The following CWC27 variants were observed in gnomAD, a reference collection of about 807,000 sequenced individuals.
CWC27 encodes the protein CWC27 spliceosome associated cyclophilin, also known as spliceosome-associated protein CWC27 homolog.
Under a neutral mutation model 63.6 loss-of-function variants are expected in CWC27, and 47 were observed. That is an observed-to-expected ratio of 0.74 (90% CI 0.58 to 0.94). The LOEUF (loss-of-function observed/expected upper bound fraction) is 0.94, where lower values mean the gene tolerates loss of function less well. CWC27 is among the 40% of genes least tolerant of loss of function. The pLI, the probability that CWC27 is intolerant of heterozygous loss-of-function variation, is 0.00. For missense variants in CWC27, 495 were observed against 554.3 expected (o/e 0.89, Z 1.07); for synonymous variants, 175 against 179.8 (o/e 0.97, Z 0.22).
chr5:64,869,210 T>C (rs1014527637), intron 10 of CWC27, among the ~76,000 whole-genome samples: 2 of 152,112 alleles, frequency 1.3e-5, no homozygotes, highest in African/African-American at 4.8e-5. Flanking sequence ...TAGAGGTATA[T>C]GTAGGCCAGC....
In CWC27 at chr5:64,840,473, G is replaced by GA. The variant is rs369584798; in HGVS notation, c.938+36095dup. On this transcript the variant is annotated intron_variant, in intron 10 of 13. Transcript: ENST00000381070. ...TAGAAAACAGAGGCAGGTAAAAATG[G>GA]AAAAAAAACTTTTTTTCTATCTGCA... Among the ~76,000 whole-genome samples the GA allele has an allele frequency of 4.5e-3, 504 of 111,004 alleles. 2 individuals are homozygous for GA. Among genetic ancestry groups the GA allele is most frequent in the African/African-American group, 0.015 (424 of 28,882 alleles). The allele number at this position is 111,004 out of a possible 152,430, so 72.8% of individuals were successfully genotyped here.
intron 11 of CWC27, among the ~76,000 whole-genome samples, chr5:64,905,218 A>G (rs1425020373): frequency 2.3e-4 from 35 of 151,458 alleles, no homozygotes; most frequent in Admixed American, 2.3e-3. Flanking sequence ...AAAAAAAAAA[A>G]AAAAAACACC....
intron 11 of CWC27, among the ~76,000 whole-genome samples, chr5:64,923,441 C>G (rs549368896): frequency 7.8e-4 from 110 of 140,994 alleles, no homozygotes; most frequent in Admixed American, 3.2e-3. Flanking sequence ...AGATGCATCT[C>G]AGCACTCAGC....
chr5:64,932,367 T>C (rs1748255655), intron 11 of CWC27, among the ~76,000 whole-genome samples: 1 of 152,156 alleles, frequency 6.6e-6, no homozygotes, highest in Admixed American at 6.5e-5. Context: ...ACTTTTTTTT[T>C]TTAATTCTTA....
At chr5:64,940,046 G>T (rs538779128) in intron 11 of CWC27, among the ~76,000 whole-genome samples, 1 of 152,334 alleles carries the variant, frequency 6.6e-6, no homozygotes, top group East Asian at 1.9e-4. Context: ...ATCGTAGCTT[G>T]CTGGGCTCTG....
At chr5:64,772,557 G>A (rs1483033519) in intron 1 of CWC27, among the ~76,000 whole-genome samples, 1 of 143,572 alleles carries the variant, frequency 7.0e-6, no homozygotes, top group African/African-American at 2.6e-5. Context: ...AACCAAGGAA[G>A]TGGAGGTTGC....
chr5:64,868,272 G>A (rs1368610423), intron 10 of CWC27, among the ~76,000 whole-genome samples: 1 of 151,952 alleles, frequency 6.6e-6, no homozygotes. Flanking sequence ...TGTTCCTCTG[G>A]CCCCTGGAAA....
rs1398374483 is a variant in CWC27, at chr5:64,800,128, G to A, written c.670-120G>A. The A allele has an allele frequency of 2.3e-5, 13 of 569,496 alleles. No homozygotes were observed. In the East Asian group the frequency reaches 4.2e-4, roughly 19 times the overall value. The allele number at this position is 569,496 out of a possible 1,614,324, so 35.3% of individuals were successfully genotyped here. On this transcript the variant is annotated intron_variant, in intron 7 of 13. Transcript: ENST00000381070. ...ACTTTAGTTTGTATTAAACTTTTCA[G>A]GAATACATCTTTTGCTAACCATATT...
intron 10 of CWC27, among the ~76,000 whole-genome samples, chr5:64,840,390 AAAAAATATATATATATAT>A (rs1462816953): frequency 3.4e-5 from 1 of 29,838 alleles, no homozygotes. Flanking sequence ...AAAAAAAAAA[AAAAAATATATATATATAT>A]ATATATATAT....
At chr5:64,921,799 C>T (rs1163104122) in intron 11 of CWC27, among the ~76,000 whole-genome samples, 2 of 152,160 alleles carry the variant, frequency 1.3e-5, no homozygotes, top group Admixed American at 6.5e-5. Flanking sequence ...AAGTAGAATT[C>T]TTTTGTTTCC....
At chr5:64,867,497 A>G (rs1476714313) in intron 10 of CWC27, among the ~76,000 whole-genome samples, 1 of 152,074 alleles carries the variant, frequency 6.6e-6, no homozygotes, top group African/African-American at 2.4e-5. Flanking sequence ...ATTCCTAACA[A>G]CTAGCATAAC....
chr5:64,836,400 T>C (rs1745658129), intron 10 of CWC27, among the ~76,000 whole-genome samples: 1 of 151,982 alleles, frequency 6.6e-6, no homozygotes, highest in Admixed American at 6.6e-5. Context: ...ATTTTTAAAT[T>C]TCACTTTACT....
At chr5:64,897,892 T>C (rs1322454459) in intron 11 of CWC27, among the ~76,000 whole-genome samples, 1 of 152,110 alleles carries the variant, frequency 6.6e-6, no homozygotes, top group Admixed American at 6.5e-5. Context: ...ACTCAAAATC[T>C]ATGAAGCAAA....
At chr5:64,964,040 A>C (rs1216537756) in intron 11 of CWC27, among the ~76,000 whole-genome samples, 1 of 152,252 alleles carries the variant, frequency 6.6e-6, no homozygotes, top group African/African-American at 2.4e-5. Flanking sequence ...TGTCTACATT[A>C]TAAACCTATT....
intron 13 of CWC27, 65 bp downstream of exon 13, chr5:64,977,303 G>A (rs1749244785): frequency 9.2e-7 from 1 of 1,085,272 alleles, no homozygotes; most frequent in Non-Finnish European, 1.3e-6. Context: ...ACACTACTGG[G>A]GCATTTCCAC....
intron 10 of CWC27, among the ~76,000 whole-genome samples, chr5:64,879,022 G>A (rs575434757): frequency 6.6e-6 from 1 of 151,872 alleles, no homozygotes; most frequent in Non-Finnish European, 1.5e-5. Context: ...CGTAGACCAA[G>A]TAGGAGACTG....
intron 13 of CWC27, among the ~76,000 whole-genome samples, chr5:65,017,794 C>G (rs1750075935): frequency 6.6e-6 from 1 of 152,194 alleles, no homozygotes; most frequent in South Asian, 2.1e-4. Flanking sequence ...TGCAACCTGA[C>G]TCACTCTGGC....
At chr5:64,840,383 AAAAAAAAAAAAATATATATATATATAT>A (rs1361487975) in intron 10 of CWC27, among the ~76,000 whole-genome samples, 15 of 72,064 alleles carry the variant, frequency 2.1e-4, no homozygotes, top group African/African-American at 3.2e-4. Context: ...AAAAAAAAAA[AAAAAAAAAAAAATATATATATATATAT>A]ATATATATAT....
chr5:64,785,504 C>T lies in CWC27; in HGVS notation c.420C>T (p.Asn140=), dbSNP rs1412247778. 1.3e-6 allele frequency: 2 copies of T among 1,536,254 alleles called. No homozygotes were observed. Among genetic ancestry groups the T allele is most frequent in the Non-Finnish European group, 1.7e-6 (2 of 1,148,178 alleles). ...AGGTTACAGGGGATACAGTATATAA[C>T]ATGTTGCGACTGTCAGAAGTAGACA... is the stretch of plus-strand genomic sequence containing the variant. ...FGKVTGDTVY[N]MLRLSEVDID... is the part of the protein sequence containing the mutation. Residue 140 remains asparagine (N), a synonymous_variant, in exon 5 of 14, where the codon AAC becomes AAT. Coordinates refer to ENST00000381070, the MANE Select transcript of CWC27 (RefSeq NM_005869.4).
Sources: gnomAD v4.1 joint callset for allele counts (sites outside exome capture counted in the v4.1 genomes callset) on GRCh38, gnomAD v4.1.1 for gene constraint, MANE v1.5 for transcripts, NCBI Gene and HGNC (gene_info 2026-07-23, HGNC 2026-07-21) for gene names.